The following SULF1 variants were observed in gnomAD, a reference collection of about 807,000 sequenced individuals.
SULF1 encodes the protein sulfatase 1.
SULF1 carries 46 observed loss-of-function variants against 110.5 expected under a neutral mutation model. That is an observed-to-expected ratio of 0.42 (90% CI 0.33 to 0.53). The LOEUF (loss-of-function observed/expected upper bound fraction) is 0.53, where lower values mean the gene tolerates loss of function less well. Ranked by LOEUF, SULF1 falls within the 20% of genes least tolerant of loss-of-function variation. SULF1 has a pLI of 0.12. For missense variants in SULF1, 941 were observed against 1,094.2 expected (o/e 0.86, Z 1.98); for synonymous variants, 371 against 387.1 (o/e 0.96, Z 0.49).
chr8:69,607,179 A>C (rs1021835616), intron 13 of SULF1, among the ~76,000 whole-genome samples: 1 of 152,228 alleles, frequency 6.6e-6, no homozygotes, highest in Admixed American at 6.5e-5. Flanking sequence ...CTGTGTGTTA[A>C]CAAGTCCTCC....
chr8:69,474,411 C>T (rs16935931), intron 1 of SULF1, among the ~76,000 whole-genome samples: 3,907 of 152,232 alleles, frequency 0.026, 170 homozygotes, highest in African/African-American at 0.09. Context: ...CCTTCACCTG[C>T]CAATAATCAA....
rs1242486971 is a variant in SULF1, at chr8:69,492,996, G to A, written c.-520G>A. 2.0e-5 allele frequency: 3 copies of A among 152,612 alleles called. No individual in the cohort carries two copies. The highest frequency in any genetic ancestry group is 4.4e-5 in the Non-Finnish European group (3 of 68,090). The allele number at this position is 152,612 out of a possible 1,614,324, so 9.5% of individuals were successfully genotyped here. A position where few individuals can be genotyped will look rare whatever the true frequency, so the allele number is the denominator to read the frequency against. ...GCTGCCGGCGCTCCTCGGAGGTCAG[G>A]GCAGATGAGGAACATGACTCTCCCC... On this transcript the variant is annotated 5_prime_UTR_variant, in exon 1 of 23. Transcript: ENST00000402687.
At chr8:69,501,064 A>G (rs535796176) in intron 2 of SULF1, among the ~76,000 whole-genome samples, 34 of 152,220 alleles carry the variant, frequency 2.2e-4, no homozygotes, top group Non-Finnish European at 3.7e-4. Context: ...ATGTATACGA[A>G]GGTACAACTG....
At chr8:69,532,140 C>A (rs538923275) in intron 3 of SULF1, among the ~76,000 whole-genome samples, 1 of 152,150 alleles carries the variant, frequency 6.6e-6, no homozygotes, top group Non-Finnish European at 1.5e-5. Flanking sequence ...CATGGCTATT[C>A]TTCGTTAAAT....
chr8:69,599,120 A>G (rs569556102), intron 8 of SULF1, among the ~76,000 whole-genome samples: 1 of 152,294 alleles, frequency 6.6e-6, no homozygotes, highest in Non-Finnish European at 1.5e-5. Context: ...AATCCACACC[A>G]CCACAGATCC....
intron 13 of SULF1, among the ~76,000 whole-genome samples, chr8:69,611,283 A>C (rs1274529450): frequency 6.6e-6 from 1 of 152,260 alleles, no homozygotes; most frequent in Non-Finnish European, 1.5e-5. Context: ...GGCCAAGATC[A>C]GTTTACCAAT....
chr8:69,591,211 G>A (rs1298244098), intron 8 of SULF1, among the ~76,000 whole-genome samples: 4 of 152,102 alleles, frequency 2.6e-5, no homozygotes, highest in African/African-American at 9.7e-5. Flanking sequence ...ACTGCATGAG[G>A]GGAGGAGCCT....
intron 19 of SULF1, among the ~76,000 whole-genome samples, chr8:69,632,870 A>G (rs1177354423): frequency 1.3e-5 from 2 of 152,038 alleles, no homozygotes; most frequent in Admixed American, 6.6e-5. Flanking sequence ...ACAAAAAAAT[A>G]CAAAAATTAG....
chr8:69,485,439 T>G (rs1407999229), intron 1 of SULF1, among the ~76,000 whole-genome samples: 1 of 152,142 alleles, frequency 6.6e-6, no homozygotes, highest in East Asian at 1.9e-4. Context: ...GTTCAAAGCC[T>G]TATAGCAATT....
At chr8:69,578,357 T>TTTA (rs1297772770) in intron 6 of SULF1, among the ~76,000 whole-genome samples, 1 of 152,116 alleles carries the variant, frequency 6.6e-6, no homozygotes, top group Admixed American at 6.5e-5. Context: ...TTTATTTTAT[T>TTTA]TTATTATTAT....
rs1218044757 is a variant in SULF1, at chr8:69,590,960, A to G, written c.734+1819A>G. Among the ~76,000 whole-genome samples, 3 of 152,198 alleles carry G rather than the reference A, an allele frequency of 2.0e-5. No homozygotes were observed. The East Asian group carries it at 5.8e-4, about 29-fold the overall frequency. The stretch of plus-strand genomic sequence containing the variant: ...ACCCCCCTGTTCCCATTTCTGTTGA[A>G]TCAGAAATCACTTTACCTATCTTTG... On this transcript the variant is annotated intron_variant, in intron 8 of 22. Coordinates refer to ENST00000402687, the MANE Select transcript of SULF1 (RefSeq NM_001128205.2).
At position 69,492,991 on chromosome 8, in the gene SULF1, G is replaced by A. The variant is rs1810038194; in HGVS notation, c.-525G>A. On this transcript the variant is annotated 5_prime_UTR_variant, in exon 1 of 23. Coordinates refer to ENST00000402687, the MANE Select transcript of SULF1 (RefSeq NM_001128205.2). ...TCCCGGCTGCCGGCGCTCCTCGGAG[G>A]TCAGGGCAGATGAGGAACATGACTC... 6.6e-6 allele frequency: 1 copy of A among 152,638 alleles called. No homozygotes were observed. 9.5% of individuals were successfully genotyped at this position (152,638 alleles called of 1,614,324 possible).
chr8:69,613,001 G>C (rs1808782271), intron 13 of SULF1, among the ~76,000 whole-genome samples: 1 of 152,108 alleles, frequency 6.6e-6, no homozygotes, highest in Non-Finnish European at 1.5e-5. Context: ...TTAGATTTAA[G>C]TCTTTGATCC....
In SULF1 at chr8:69,576,279, A is replaced by G. The variant is rs1563546918; in HGVS notation, c.412+70A>G. On this transcript the variant is annotated intron_variant, in intron 6 of 22. Transcript: ENST00000402687. ...TTAGACTCAGGAAGAAGTGTCATGTAATGAAATGCATGAAGTTCCAACAAA... is the reference window on the plus strand; with the variant it reads ...TTAGACTCAGGAAGAAGTGTCATGTGATGAAATGCATGAAGTTCCAACAAA... The G allele has an allele frequency of 3.9e-6, 6 of 1,520,704 alleles. No homozygotes were observed. The East Asian group carries it at 1.1e-4, about 29-fold the overall frequency. 94.2% of individuals were successfully genotyped at this position (1,520,704 alleles called of 1,614,324 possible).
At chr8:69,557,250 C>T (rs921527252) in intron 3 of SULF1, among the ~76,000 whole-genome samples, 8 of 152,210 alleles carry the variant, frequency 5.3e-5, no homozygotes, top group African/African-American at 1.7e-4. Flanking sequence ...ATTTGGACCA[C>T]AATTGGTCAC....
At chr8:69,470,893 C>A (rs1345542108) in intron 1 of SULF1, among the ~76,000 whole-genome samples, 6 of 152,200 alleles carry the variant, frequency 3.9e-5, no homozygotes, top group East Asian at 1.9e-4. Context: ...TACTTTCTAG[C>A]CTTTTCTTTC....
intron 3 of SULF1, among the ~76,000 whole-genome samples, chr8:69,519,909 G>A (rs1812174969): frequency 6.6e-6 from 1 of 152,126 alleles, no homozygotes; most frequent in Non-Finnish European, 1.5e-5. Context: ...AATTGGGAAG[G>A]AAAGAAGTCT....
At chr8:69,636,474 T>G (rs1586607137) in intron 19 of SULF1, among the ~76,000 whole-genome samples, 1 of 151,848 alleles carries the variant, frequency 6.6e-6, no homozygotes, top group African/African-American at 2.4e-5. Flanking sequence ...GAGGCGGAGC[T>G]TGCAGTGAGC....
intron 3 of SULF1, among the ~76,000 whole-genome samples, chr8:69,557,094 C>T (rs1020839345): frequency 6.6e-6 from 1 of 152,178 alleles, no homozygotes; most frequent in East Asian, 1.9e-4. Context: ...CTGCAAAGGA[C>T]ATGATCTTGT....
Sources: allele counts gnomAD v4.1 joint callset (sites outside exome capture counted in the v4.1 genomes callset), GRCh38; gene constraint gnomAD v4.1.1; transcripts MANE v1.5; gene names NCBI Gene and HGNC (gene_info 2026-07-23, HGNC 2026-07-21).